Variants in PTPA observed in about 807,000 individuals in gnomAD.
The protein encoded by PTPA is serine/threonine-protein phosphatase 2A activator.
PTPA carries 13 observed loss-of-function variants against 43.6 expected under a neutral mutation model. That is an observed-to-expected ratio of 0.30 (90% CI 0.19 to 0.47). The LOEUF is 0.47. Ranked by LOEUF, PTPA falls within the 20% of genes least tolerant of loss-of-function variation. PTPA has a pLI of 0.99. For synonymous variants in PTPA, 172 were observed against 158.2 expected, an observed-to-expected ratio of 1.09 and a Z score of -0.66; for missense variants, 329 against 411.9, an observed-to-expected ratio of 0.80 and a Z score of 1.74.
chr9:129,122,364 A>G (rs756930011), intron 2 of PTPA, among the ~76,000 whole-genome samples: 12 of 152,142 alleles, frequency 7.9e-5, no homozygotes, highest in Non-Finnish European at 1.8e-4. Context: ...CAGCCTCCCA[A>G]AGTGCTAGGA....
intron 8 of PTPA, 82 bp from the exon 9 acceptor site, chr9:129,142,363 T>C: frequency 7.9e-7 from 1 of 1,267,134 alleles, no homozygotes. Context: ...TGTGCATGCA[T>C]GGGTGTGACT....
chr9:129,137,759 C>T, intron 8 of PTPA, 67 bp downstream of exon 8: 1 of 1,393,502 alleles, frequency 7.2e-7, no homozygotes, highest in Non-Finnish European at 1.0e-6. Context: ...AGGCTGGTGG[C>T]CTTACAGTGG....
chr9:129,126,970 G>T (rs1027450638), intron 3 of PTPA, among the ~76,000 whole-genome samples: 1 of 152,170 alleles, frequency 6.6e-6, no homozygotes, highest in African/African-American at 2.4e-5. Context: ...GGGCTGACTA[G>T]TGCTTCCTGG....
At chr9:129,111,140 G>A (rs2131515559), upstream of PTPA, 1 of 1,292,780 alleles carries the variant, frequency 7.7e-7, no homozygotes, top group Non-Finnish European at 1.0e-6. Context: ...AATATTCCTT[G>A]GGTTAGGGTC....
At chr9:129,133,173 G>A (rs971711477) in intron 5 of PTPA, among the ~76,000 whole-genome samples, 6 of 152,224 alleles carry the variant, frequency 3.9e-5, no homozygotes, top group Admixed American at 2.6e-4. Flanking sequence ...GTGAGGGCCC[G>A]CCTTCCTTCC....
At chr9:129,134,276 G>GAATTATAGTA (rs1281855596) in intron 5 of PTPA, among the ~76,000 whole-genome samples, 1 of 146,844 alleles carries the variant, frequency 6.8e-6, no homozygotes, top group Non-Finnish European at 1.5e-5. Context: ...TTTACGAGTG[G>GAATTATAGTA]AATTATAGTA....
intron 9 of PTPA, chr9:129,143,482 T>G: frequency 5.7e-6 from 4 of 701,982 alleles, no homozygotes; most frequent in Non-Finnish European, 7.8e-6. Context: ...AGGTCTTCAT[T>G]GGACCCAGAG....
intron 9 of PTPA, 24 bp downstream of exon 9, chr9:129,142,576 C>T (rs1422281853): frequency 1.2e-6 from 2 of 1,613,582 alleles, no homozygotes; most frequent in East Asian, 2.2e-5. Context: ...GGCCAGTGTG[C>T]CCGTCCCTGC....
In PTPA at chr9:129,144,495, T is replaced by G. The variant is rs1433846761; in HGVS notation, c.894+1943T>G. 3.3e-5 allele frequency among the ~76,000 whole-genome samples: 5 copies of G among 152,070 alleles called. No individual in the cohort carries two copies. The East Asian group carries it at 9.7e-4, about 29-fold the overall frequency. ...GGCTCACGCCTGTAATCCCAGCACT[T>G]TGGGAGGCCGAGGTGGGCGGATCAC... On this transcript the variant is annotated intron_variant, in intron 9 of 9. Coordinates refer to ENST00000393370, the MANE Select transcript of PTPA (RefSeq NM_178000.3).
chr9:129,144,521 G>A (rs1055804200), intron 9 of PTPA, among the ~76,000 whole-genome samples: 3 of 151,314 alleles, frequency 2.0e-5, no homozygotes, highest in African/African-American at 4.9e-5. Context: ...GGCGGATCAC[G>A]AGGTCAGGAG....
Position 129,147,572 on chromosome 9 carries a change from G to GTTT in PTPA, c.*108_*109insTTT. ...TCCCTCTGTTCGTCCCGTTTGATGA[G>GTTT]AGGCTGTTTACTGGGGTGGGGTGGC... On this transcript the variant is annotated 3_prime_UTR_variant, in exon 10 of 10. Transcript: ENST00000393370. The GTTT allele has an allele frequency of 8.1e-7, 1 of 1,231,786 alleles. No homozygotes were observed. Among genetic ancestry groups the GTTT allele is most frequent in the East Asian group, 2.5e-5 (1 of 40,214 alleles). 76.3% of individuals were successfully genotyped at this position (1,231,786 alleles called of 1,614,324 possible).
intron 9 of PTPA, 82 bp from the exon 10 acceptor site, chr9:129,147,305 T>C: frequency 7.1e-7 from 1 of 1,414,180 alleles, no homozygotes; most frequent in Non-Finnish European, 1.0e-6. Flanking sequence ...GATGGACACC[T>C]GGGAGCTGCT....
intron 2 of PTPA, 147 bp from the exon 3 acceptor site, chr9:129,122,905 C>A (rs1399486819): frequency 1.6e-6 from 1 of 638,246 alleles, no homozygotes; most frequent in Non-Finnish European, 2.8e-6. Context: ...CATTACGTTT[C>A]TGCTTCTCCT....
chr9:129,116,648 G>A (rs1000790462), intron 1 of PTPA, among the ~76,000 whole-genome samples: 10 of 152,124 alleles, frequency 6.6e-5, no homozygotes, highest in African/African-American at 2.4e-4. Context: ...GCCTCCCAAA[G>A]TGCTGGGATT....
intron 8 of PTPA, 192 bp from the exon 9 acceptor site, chr9:129,142,253 A>T: frequency 2.1e-6 from 1 of 481,550 alleles, no homozygotes; most frequent in Non-Finnish European, 3.6e-6. Flanking sequence ...TGGCACTTGC[A>T]TGTGCCTGTT....
chr9:129,143,660 TC>T, intron 9 of PTPA: 1 of 505,554 alleles, frequency 2.0e-6, no homozygotes, highest in South Asian at 2.6e-5. Context: ...TTCCGCCCCC[TC>T]CCCCTTTGGT....
chr9:129,143,108 T>C, intron 9 of PTPA: 1 of 642,682 alleles, frequency 1.6e-6, no homozygotes, highest in South Asian at 2.0e-5. Flanking sequence ...AGAGGAGAGC[T>C]GAGGCTTCCT....
chr9:129,134,939 C>A, intron 6 of PTPA, 45 bp downstream of exon 6: 1 of 1,524,524 alleles, frequency 6.6e-7, no homozygotes, highest in Non-Finnish European at 9.1e-7. Context: ...CGTGAGGGGC[C>A]ATCTGTTTCC....
chr9:129,111,783 A>T, intron 1 of PTPA, 152 bp downstream of exon 1: 101 of 1,101,294 alleles, frequency 9.2e-5, no homozygotes, highest in Middle Eastern at 7.8e-4. Flanking sequence ...GAATGGCCTT[A>T]GGGGAGAGGT....
Sources: allele counts gnomAD v4.1 joint callset (sites outside exome capture counted in the v4.1 genomes callset), GRCh38; gene constraint gnomAD v4.1.1; transcripts MANE v1.5; gene names NCBI Gene and HGNC (gene_info 2026-07-23, HGNC 2026-07-21).